CDH7: variants seen among roughly 807,000 people sequenced by gnomAD.
CDH7 encodes cadherin 7.
Under a neutral mutation model 71.8 loss-of-function variants are expected in CDH7, and 25 were observed. That is an observed-to-expected ratio of 0.35 (90% CI 0.25 to 0.49). CDH7 has a LOEUF of 0.49. Among genes scored for constraint, CDH7 ranks in the 20% least tolerant of loss-of-function variants. The probability of loss-of-function intolerance (pLI) is 0.99; values close to 1 mark genes in which losing one functional copy is unlikely to be tolerated. For synonymous variants in CDH7, 381 were observed against 363.8 expected, an observed-to-expected ratio of 1.05 and a Z score of -0.54; for missense variants, 862 against 974.6, an observed-to-expected ratio of 0.88 and a Z score of 1.54.
chr18:65,838,040 T>A (rs1296796528), intron 6 of CDH7, among the ~76,000 whole-genome samples: 2 of 150,224 alleles, frequency 1.3e-5, no homozygotes, highest in African/African-American at 4.9e-5. Flanking sequence ...TTCTCCTGCC[T>A]CAGCCTCTCC....
intron 1 of CDH7, among the ~76,000 whole-genome samples, chr18:65,756,796 A>G (rs189638650): frequency 6.3e-4 from 96 of 152,366 alleles, no homozygotes; most frequent in Non-Finnish European, 1.1e-3. Context: ...TGATAGTTAT[A>G]TATCATAGCA....
At chr18:65,875,201 A>G (rs1914039728) in intron 11 of CDH7, among the ~76,000 whole-genome samples, 1 of 152,202 alleles carries the variant, frequency 6.6e-6, no homozygotes, top group Non-Finnish European at 1.5e-5. Flanking sequence ...AATATAGGTG[A>G]CTTCTGAAGT....
intron 7 of CDH7, among the ~76,000 whole-genome samples, chr18:65,857,009 T>A (rs1478368872): frequency 1.2e-4 from 9 of 77,288 alleles, no homozygotes; most frequent in Admixed American, 5.2e-4. Flanking sequence ...GACCACTGAG[T>A]AAGATTTAAA....
chr18:65,853,096 T>G (rs938801580), intron 7 of CDH7, among the ~76,000 whole-genome samples: 1 of 152,174 alleles, frequency 6.6e-6, no homozygotes, highest in African/African-American at 2.4e-5. Flanking sequence ...TGCAAAAATA[T>G]GGAAGTGATC....
At chr18:65,869,581 C>T (rs182899523) in intron 11 of CDH7, among the ~76,000 whole-genome samples, 12 of 87,500 alleles carry the variant, frequency 1.4e-4, no homozygotes, top group Admixed American at 1.1e-3. Flanking sequence ...GTATTGAAGA[C>T]GCACTTCTTT....
chr18:65,795,639 T>C lies in CDH7; in HGVS notation c.211-14065T>C, dbSNP rs147916012. Among the ~76,000 whole-genome samples, 1,089 of 152,260 alleles carry C rather than the reference T, an allele frequency of 7.2e-3. 12 individuals are homozygous for C. Among genetic ancestry groups the C allele is most frequent in the African/African-American group, 0.025 (1,042 of 41,542 alleles). ...ATACTAATTGGATTTGTGCATGATA[T>C]TAGATAAATTATAATTAAGTACCAT... On this transcript the variant is annotated intron_variant, in intron 2 of 11. Coordinates refer to ENST00000397968, the MANE Select transcript of CDH7 (RefSeq NM_004361.5).
intron 2 of CDH7, among the ~76,000 whole-genome samples, chr18:65,799,519 C>T (rs957842474): frequency 2.6e-5 from 4 of 152,064 alleles, no homozygotes; most frequent in African/African-American, 7.2e-5. Context: ...CTACTAAAAA[C>T]ACAAAAATTA....
At chr18:65,862,987 A>G in intron 11 of CDH7, 70 bp downstream of exon 11, 1 of 1,498,924 alleles carries the variant, frequency 6.7e-7, no homozygotes, top group Non-Finnish European at 9.2e-7. Context: ...CTTGCCTATT[A>G]TCTTCTCCAT....
At chr18:65,863,318 G>T (rs1913645941) in intron 11 of CDH7, 1 of 202,838 alleles carries the variant, frequency 4.9e-6, no homozygotes, top group Non-Finnish European at 1.0e-5. Context: ...GATTACAGGA[G>T]TGAGCCACAG....
At chr18:65,852,076 G>A (rs543797821) in intron 7 of CDH7, among the ~76,000 whole-genome samples, 2 of 152,264 alleles carry the variant, frequency 1.3e-5, no homozygotes, top group East Asian at 3.9e-4. Context: ...GCACAGAATT[G>A]GAGATGTGTG....
At chr18:65,880,322 G>T in intron 11 of CDH7, 79 bp from the exon 12 acceptor site, 1 of 1,413,552 alleles carries the variant, frequency 7.1e-7, no homozygotes, top group Non-Finnish European at 9.5e-7. Context: ...GTAACTCAGC[G>T]TCCTAGGCCT....
At chr18:65,844,536 A>AT (rs1912867838) in intron 7 of CDH7, among the ~76,000 whole-genome samples, 1 of 151,904 alleles carries the variant, frequency 6.6e-6, no homozygotes, top group African/African-American at 2.4e-5. Flanking sequence ...TTTCCACTTA[A>AT]TTTTTTTAAA....
intron 11 of CDH7, among the ~76,000 whole-genome samples, chr18:65,868,959 A>G (rs1197599126): frequency 1.3e-5 from 2 of 152,150 alleles, no homozygotes; most frequent in Non-Finnish European, 2.9e-5. Context: ...GAGGTCTACC[A>G]ATGTATGTTC....
chr18:65,874,757 A>G lies in CDH7; in HGVS notation c.1865-5644A>G, dbSNP rs577414872. ...TGTATATATATTTATAATTTCATAC[A>G]TGTATATATAGATATGTGGCCTTAT... On this transcript the variant is annotated intron_variant, in intron 11 of 11. Transcript: ENST00000397968. Among the ~76,000 whole-genome samples the G allele has an allele frequency of 1.2e-3, 178 of 151,856 alleles. 2 individuals are homozygous for G. Among genetic ancestry groups the G allele is most frequent in the African/African-American group, 4.0e-3 (167 of 41,478 alleles).
At position 65,864,313 on chromosome 18, in the gene CDH7, G is replaced by A. The variant is rs77938396; in HGVS notation, c.1864+1396G>A. 6.7e-3 allele frequency among the ~76,000 whole-genome samples: 1,013 copies of A among 152,062 alleles called. 10 individuals carry two copies. The highest frequency in any genetic ancestry group is 0.033 in the East Asian group (169 of 5,148). ...TGCAAGCCGCAAGCAGCTGAAGATGGCTTTGAATGTGGCCCGACACAAATT... is the reference window on the plus strand; with the variant it reads ...TGCAAGCCGCAAGCAGCTGAAGATGACTTTGAATGTGGCCCGACACAAATT... On this transcript the variant is annotated intron_variant, in intron 11 of 11. Transcript: ENST00000397968.
intron 6 of CDH7, among the ~76,000 whole-genome samples, chr18:65,828,578 T>C (rs1233462522): frequency 6.6e-6 from 1 of 152,130 alleles, no homozygotes; most frequent in African/African-American, 2.4e-5. Flanking sequence ...AATAATTGTG[T>C]TATCAGTAAG....
At chr18:65,761,587 G>GT (rs1916194440) in intron 1 of CDH7, among the ~76,000 whole-genome samples, 1 of 148,774 alleles carries the variant, frequency 6.7e-6, no homozygotes, top group Non-Finnish European at 1.5e-5. Context: ...TGCCTTAATT[G>GT]TTCTATTGTT....
intron 2 of CDH7, among the ~76,000 whole-genome samples, chr18:65,781,932 C>T (rs866978154): frequency 8.5e-6 from 1 of 118,142 alleles, no homozygotes; most frequent in Non-Finnish European, 1.6e-5. Flanking sequence ...TTCTCTCTCT[C>T]TCTCTCTCTC....
chr18:65,769,536 G>A (rs1272177316), intron 2 of CDH7, among the ~76,000 whole-genome samples: 1 of 152,158 alleles, frequency 6.6e-6, no homozygotes, highest in Non-Finnish European at 1.5e-5. Flanking sequence ...TTTAAGCTAG[G>A]AAATTAACAT....
Sources: gnomAD v4.1 joint callset for allele counts (sites outside exome capture counted in the v4.1 genomes callset) on GRCh38, gnomAD v4.1.1 for gene constraint, MANE v1.5 for transcripts, NCBI Gene and HGNC (gene_info 2026-07-23, HGNC 2026-07-21) for gene names.